PUS10: variants seen among roughly 807,000 people sequenced by gnomAD.
PUS10 encodes pseudouridine synthase 10, also known as tRNA pseudouridine synthase Pus10.
In PUS10, 59 loss-of-function variants were observed where a neutral mutation model predicts 75.0. The observed-to-expected ratio is 0.79, with a 90% CI of 0.64 to 0.98. The LOEUF (loss-of-function observed/expected upper bound fraction) is 0.98. Among genes scored for constraint, PUS10 ranks in the 50% least tolerant of loss-of-function variants. The probability of loss-of-function intolerance (pLI) is 0.00; values close to 1 mark genes in which losing one functional copy is unlikely to be tolerated. For synonymous variants in PUS10, 219 were observed against 211.6 expected (o/e 1.03, Z -0.30); for missense variants, 650 against 614.4 (o/e 1.06, Z -0.61).
chr2:61,000,872 A>G (rs1678807924), intron 4 of PUS10, among the ~76,000 whole-genome samples: 1 of 152,192 alleles, frequency 6.6e-6, no homozygotes. Context: ...TCCAGCATAA[A>G]TGGGTTAAAA....
chr2:60,970,768 T>C (rs1291610575), intron 5 of PUS10, among the ~76,000 whole-genome samples: 1 of 152,170 alleles, frequency 6.6e-6, no homozygotes, highest in Non-Finnish European at 1.5e-5. Flanking sequence ...AGATAAAGGA[T>C]TGTGAATCTA....
chr2:60,965,471 A>G lies in PUS10; in HGVS notation c.629T>C (p.Val210Ala), dbSNP rs1396730889. ...VPIDGKSLFE[V>A]SVVFAHPETV... ...TTCTGGGTGAGCAAAGACCACACTC[A>G]CTTCAAACAAGCTCTAAAAATTATA... is the stretch of plus-strand genomic sequence containing the variant. The change falls in exon 7 of 18, where the codon GTG becomes GCG. Residue 210 changes from valine (V) to alanine (A), a missense_variant. Coordinates refer to ENST00000316752, the MANE Select transcript of PUS10 (RefSeq NM_144709.4). 1 of 1,605,202 alleles carries G rather than the reference A, an allele frequency of 6.2e-7. No individual in the cohort carries two copies. Among genetic ancestry groups the G allele is most frequent in the Non-Finnish European group, 8.5e-7 (1 of 1,177,430 alleles).
intron 4 of PUS10, among the ~76,000 whole-genome samples, chr2:61,002,195 C>T (rs1678898495): frequency 6.6e-6 from 1 of 152,158 alleles, no homozygotes; most frequent in African/African-American, 2.4e-5. Context: ...GGAATGGGAC[C>T]TGGGAAACTC....
rs374619181 is a variant in PUS10, at chr2:60,987,097, A to G, written c.469-15540T>C. On this transcript the variant is annotated intron_variant, in intron 4 of 17. Coordinates refer to ENST00000316752, the MANE Select transcript of PUS10 (RefSeq NM_144709.4). ...AAGCTTTGATCTTTCCAAATTTTCT[A>G]GTTTTAGTCTAAAAGTTTAAAGTAG... Among the ~76,000 whole-genome samples, 10 of 152,350 alleles carry G rather than the reference A, an allele frequency of 6.6e-5. 1 individual carries two copies. Among genetic ancestry groups the G allele is most frequent in the African/African-American group, 2.2e-4 (9 of 41,586 alleles).
chr2:60,989,943 G>A (rs976492258), intron 4 of PUS10, among the ~76,000 whole-genome samples: 2 of 151,976 alleles, frequency 1.3e-5, no homozygotes, highest in Admixed American at 6.6e-5. Context: ...TTCTTATTCT[G>A]TACTCTTCAA....
intron 4 of PUS10, among the ~76,000 whole-genome samples, chr2:60,980,061 G>C (rs1480110204): frequency 6.6e-6 from 1 of 152,150 alleles, no homozygotes; most frequent in Non-Finnish European, 1.5e-5. Context: ...GGTAGGAGTA[G>C]AAGCAGGGAG....
At chr2:60,993,154 T>C (rs955913229) in intron 4 of PUS10, among the ~76,000 whole-genome samples, 2 of 152,130 alleles carry the variant, frequency 1.3e-5, no homozygotes, top group African/African-American at 4.8e-5. Context: ...ATCAGAGTTT[T>C]ATAAATTATG....
At chr2:60,964,556 A>G (rs990409711) in intron 8 of PUS10, among the ~76,000 whole-genome samples, 1 of 152,258 alleles carries the variant, frequency 6.6e-6, no homozygotes, top group African/African-American at 2.4e-5. Context: ...AAGAGTTTGA[A>G]TAAAAATGCC....
chr2:60,989,315 C>T (rs191508791), intron 4 of PUS10, among the ~76,000 whole-genome samples: 8 of 152,232 alleles, frequency 5.3e-5, no homozygotes, highest in Admixed American at 1.3e-4. Flanking sequence ...GGTGAATGTC[C>T]CTCTCTAACC....
chr2:61,002,807 T>G (rs1377559944), intron 4 of PUS10, among the ~76,000 whole-genome samples: 1 of 152,252 alleles, frequency 6.6e-6, no homozygotes, highest in African/African-American at 2.4e-5. Context: ...AAATTTATTA[T>G]TAAAATGTTT....
chr2:61,008,033 C>T (rs868615960), intron 3 of PUS10, among the ~76,000 whole-genome samples: 1 of 151,364 alleles, frequency 6.6e-6, no homozygotes, highest in African/African-American at 2.4e-5. Flanking sequence ...GCAGAGATTG[C>T]GCCACTGTGC....
Position 61,018,198 on chromosome 2 carries a change from T to C in PUS10, c.-206A>G, listed in dbSNP as rs1356553388. On this transcript the variant is annotated 5_prime_UTR_variant, in exon 1 of 18. Transcript: ENST00000316752. ...TATCTTTAAAGCGTAGACTTTGGTCTGTAGCAGTTGAGAGCGGCATTTGTC... is the reference window on the plus strand; with the variant it reads ...TATCTTTAAAGCGTAGACTTTGGTCCGTAGCAGTTGAGAGCGGCATTTGTC... The C allele has an allele frequency of 1.9e-6, 3 of 1,551,046 alleles. No individual in the cohort carries two copies. Among genetic ancestry groups the C allele is most frequent in the East Asian group, 4.9e-5 (2 of 41,056 alleles).
intron 10 of PUS10, 75 bp downstream of exon 10, chr2:60,961,388 G>A: frequency 9.5e-7 from 1 of 1,053,454 alleles, no homozygotes; most frequent in South Asian, 1.3e-5. Flanking sequence ...GAATAAAATA[G>A]AACAGGAGTC....
chr2:61,007,283 G>A (rs999899477), intron 3 of PUS10, among the ~76,000 whole-genome samples: 2 of 151,384 alleles, frequency 1.3e-5, no homozygotes, highest in African/African-American at 2.4e-5. Flanking sequence ...TGAAATGAAC[G>A]GCAGTGTTCC....
rs1456241056 is a variant in PUS10, at chr2:61,010,704, A to G, written c.126+1061T>C. On this transcript the variant is annotated intron_variant, in intron 2 of 17. Transcript: ENST00000316752. ...GTCCTGTGAGGTGGGTATTATCATC[A>G]TTCCCATTTACAGAGGAGTAAACTG... 4 of 1,430,694 alleles carry G rather than the reference A, an allele frequency of 2.8e-6. No homozygotes were observed. The East Asian group carries it at 1.0e-4, about 36-fold the overall frequency. 88.6% of individuals were successfully genotyped at this position (1,430,694 alleles called of 1,614,324 possible).
intron 4 of PUS10, among the ~76,000 whole-genome samples, chr2:61,003,652 C>G (rs1454791099): frequency 1.3e-5 from 2 of 150,830 alleles, no homozygotes; most frequent in African/African-American, 4.9e-5. Flanking sequence ...CCAAGCAATC[C>G]CCCCACCTTG....
intron 4 of PUS10, among the ~76,000 whole-genome samples, chr2:60,979,431 G>C (rs557354084): frequency 6.6e-6 from 1 of 152,044 alleles, no homozygotes; most frequent in African/African-American, 2.4e-5. Flanking sequence ...TGTCTCAGGC[G>C]TGGTGGCAAA....
chr2:60,982,193 T>C (rs1201894932), intron 4 of PUS10, among the ~76,000 whole-genome samples: 1 of 152,042 alleles, frequency 6.6e-6, no homozygotes, highest in East Asian at 1.9e-4. Context: ...TCCGTATACT[T>C]ACTTCTCTCC....
In PUS10 at chr2:61,011,825, T is replaced by C; in HGVS notation, c.66A>G (p.Pro22=). ...CACCACAGAATCTGAAGATACATCT[T>C]GGACAAGTACCAGTATTGAGCAACA... The part of the protein sequence containing the change: ...AQLLLNTGTC[P]RCIFRFCGVD... The change falls in exon 2 of 18, where the codon CCA becomes CCG. Residue 22 remains proline, a synonymous_variant. Transcript: ENST00000316752. 2 of 1,611,660 alleles carry C rather than the reference T, an allele frequency of 1.2e-6. No homozygotes were observed. The highest frequency in any genetic ancestry group is 1.1e-5 in the South Asian group (1 of 90,824).
Sources: gnomAD v4.1 joint callset for allele counts (sites outside exome capture counted in the v4.1 genomes callset) on GRCh38, gnomAD v4.1.1 for gene constraint, MANE v1.5 for transcripts, NCBI Gene and HGNC (gene_info 2026-07-23, HGNC 2026-07-21) for gene names.